Variants in PGPEP1L observed in about 807,000 individuals in gnomAD.
PGPEP1L encodes pyroglutamyl-peptidase 1-like protein.
PGPEP1L carries 7 observed loss-of-function variants against 6.0 expected under a neutral mutation model. That is an observed-to-expected ratio of 1.17 (90% CI 0.66 to 2.19). The LOEUF (loss-of-function observed/expected upper bound fraction) is 2.19, where lower values mean the gene tolerates loss of function less well. Ranked by LOEUF, PGPEP1L falls within the 30% of genes most tolerant of loss-of-function variation. The pLI, the probability that PGPEP1L is intolerant of heterozygous loss-of-function variation, is 0.00. For synonymous variants in PGPEP1L, 103 were observed against 83.9 expected (o/e 1.23, Z -1.24); for missense variants, 209 against 192.5 (o/e 1.09, Z -0.51).
chr15:98,986,098 A>T (rs1163566298), intron 2 of PGPEP1L, among the ~76,000 whole-genome samples: 1 of 152,164 alleles, frequency 6.6e-6, no homozygotes, highest in African/African-American at 2.4e-5. Context: ...CTCTCCCTAA[A>T]CAGGAACCCC....
chr15:98,968,691 G>A lies in PGPEP1L; in HGVS notation c.216C>T (p.Val72=). 6.4e-7 allele frequency: 1 copy of A among 1,563,630 alleles called. No homozygotes were observed. Among genetic ancestry groups the A allele is most frequent in the South Asian group, 1.2e-5 (1 of 84,866 alleles). The change falls in exon 5 of 5, where the codon GTC becomes GTT. Residue 72 remains valine, a synonymous_variant. Coordinates refer to ENST00000535714, the MANE Select transcript of PGPEP1L (RefSeq NM_001167902.2). ...VIFSRDAGRY[V]CDYTYYLSLH... Reference sequence around the variant, plus strand: ...GAGACAGGTAATAGGTATAATCACAGACGTATCTGCAACCACAGGAAATGC... The same window carrying A: ...GAGACAGGTAATAGGTATAATCACAAACGTATCTGCAACCACAGGAAATGC...
chr15:98,976,981 C>T (rs1291086856), intron 2 of PGPEP1L, among the ~76,000 whole-genome samples: 1 of 140,928 alleles, frequency 7.1e-6, no homozygotes, highest in Non-Finnish European at 1.5e-5. Context: ...TATTAGGACC[C>T]TAGAGAGGTC....
intron 2 of PGPEP1L, among the ~76,000 whole-genome samples, chr15:98,984,009 CT>C (rs71456904): frequency 0.061 from 7,003 of 114,864 alleles, 82 homozygotes; most frequent in African/African-American, 0.084. Flanking sequence ...AGTAAGTAGT[CT>C]TTTTTTTTTT....
intron 2 of PGPEP1L, among the ~76,000 whole-genome samples, chr15:98,978,495 T>C (rs1199616735): frequency 6.6e-6 from 1 of 152,050 alleles, no homozygotes; most frequent in Non-Finnish European, 1.5e-5. Context: ...ATTTGTACCA[T>C]GGAAGTGGAT....
chr15:99,006,180 G>A (rs2018057242), intron 1 of PGPEP1L, among the ~76,000 whole-genome samples: 2 of 152,246 alleles, frequency 1.3e-5, no homozygotes, highest in Admixed American at 6.5e-5. Context: ...GAGAAACGAG[G>A]ATCGCAGCAC....
intron 2 of PGPEP1L, among the ~76,000 whole-genome samples, chr15:98,972,296 T>C (rs2017507818): frequency 6.6e-6 from 1 of 151,908 alleles, no homozygotes; most frequent in African/African-American, 2.4e-5. Flanking sequence ...GAGGTTGCAG[T>C]GAACTGAGAT....
In PGPEP1L at chr15:98,968,327, A is replaced by G. The variant is rs1323047304; in HGVS notation, c.*151T>C. ...TCAGAGTGTTCTTTCTCCTGACAATAAAATAACCCTTTGTGATTTTGTTGG... is the reference window on the plus strand; with the variant it reads ...TCAGAGTGTTCTTTCTCCTGACAATGAAATAACCCTTTGTGATTTTGTTGG... On this transcript the variant is annotated 3_prime_UTR_variant, in exon 5 of 5. Transcript: ENST00000535714. The G allele has an allele frequency of 8.1e-6, 6 of 738,460 alleles. No homozygotes were observed. Among genetic ancestry groups the G allele is most frequent in the African/African-American group, 1.8e-5 (1 of 56,682 alleles). The allele number at this position is 738,460 out of a possible 1,614,324, so 45.7% of individuals were successfully genotyped here.
At chr15:98,977,869 T>C (rs1012424213) in intron 2 of PGPEP1L, among the ~76,000 whole-genome samples, 1 of 152,248 alleles carries the variant, frequency 6.6e-6, no homozygotes, top group Non-Finnish European at 1.5e-5. Context: ...AGCATGAATG[T>C]TTACATCTAT....
At chr15:98,980,913 A>T (rs2017648983) in intron 2 of PGPEP1L, among the ~76,000 whole-genome samples, 2 of 149,356 alleles carry the variant, frequency 1.3e-5, no homozygotes, top group African/African-American at 4.9e-5. Context: ...AGCCTCAGTG[A>T]CACAGAGAGA....
At chr15:99,006,639 G>C (rs2018068735) in intron 1 of PGPEP1L, among the ~76,000 whole-genome samples, 1 of 152,156 alleles carries the variant, frequency 6.6e-6, no homozygotes, top group Admixed American at 6.5e-5. Context: ...GATCAACCTG[G>C]GCAACGTGGC....
chr15:98,973,858 GAAAT>G (rs1352418499), intron 2 of PGPEP1L, among the ~76,000 whole-genome samples: 1 of 152,036 alleles, frequency 6.6e-6, no homozygotes, highest in Non-Finnish European at 1.5e-5. Context: ...GATCAGAGCA[GAAAT>G]AAATAAAAAT....
intron 2 of PGPEP1L, among the ~76,000 whole-genome samples, chr15:98,988,119 C>T (rs1200788720): frequency 6.6e-6 from 1 of 152,084 alleles, no homozygotes; most frequent in Non-Finnish European, 1.5e-5. Flanking sequence ...CCCAGTGGCA[C>T]CTGCAACACC....
At chr15:98,979,811 G>A (rs1376666696) in intron 2 of PGPEP1L, among the ~76,000 whole-genome samples, 2 of 151,824 alleles carry the variant, frequency 1.3e-5, no homozygotes, top group Non-Finnish European at 1.5e-5. Context: ...CACCACACCC[G>A]GCTAATTTTT....
chr15:98,985,470 G>A (rs901269078), intron 2 of PGPEP1L, among the ~76,000 whole-genome samples: 9 of 152,282 alleles, frequency 5.9e-5, no homozygotes, highest in Non-Finnish European at 8.8e-5. Flanking sequence ...CCCGGGAAGC[G>A]GAAGTTGCAG....
intron 2 of PGPEP1L, among the ~76,000 whole-genome samples, chr15:98,986,000 C>A (rs150364536): frequency 3.7e-3 from 567 of 152,282 alleles, no homozygotes; most frequent in African/African-American, 0.013. Flanking sequence ...AAATTAATGT[C>A]TTTTCTTCCT....
At chr15:98,986,689 C>T (rs559585839) in intron 2 of PGPEP1L, among the ~76,000 whole-genome samples, 3 of 152,276 alleles carry the variant, frequency 2.0e-5, no homozygotes, top group African/African-American at 7.2e-5. Flanking sequence ...TGGCTGGCAT[C>T]TGAAGTGGGG....
intron 4 of PGPEP1L, among the ~76,000 whole-genome samples, chr15:98,969,204 A>T (rs1297224658): frequency 6.6e-6 from 1 of 152,194 alleles, no homozygotes; most frequent in East Asian, 1.9e-4. Flanking sequence ...CAACACACCA[A>T]AGACCGTGTT....
chr15:98,980,270 G>A (rs571698871), intron 2 of PGPEP1L, among the ~76,000 whole-genome samples: 72 of 152,218 alleles, frequency 4.7e-4, no homozygotes, highest in African/African-American at 1.5e-3. Context: ...GTGTGGACTC[G>A]TGCCATTTCC....
intron 2 of PGPEP1L, among the ~76,000 whole-genome samples, chr15:99,000,348 C>T (rs1031055234): frequency 7.9e-5 from 12 of 152,218 alleles, no homozygotes; most frequent in African/African-American, 2.4e-4. Context: ...TGCTCCACGG[C>T]GCCCAGTCCC....
Sources: gnomAD v4.1 joint callset for allele counts (sites outside exome capture counted in the v4.1 genomes callset) on GRCh38, gnomAD v4.1.1 for gene constraint, MANE v1.5 for transcripts, NCBI Gene and HGNC (gene_info 2026-07-23, HGNC 2026-07-21) for gene names.